Variants in CDH12 observed in about 807,000 individuals in gnomAD.
The protein encoded by CDH12 is cadherin-12.
A neutral mutation model predicts 74.1 loss-of-function variants in CDH12; 41 were observed. That is an observed-to-expected ratio of 0.55 (90% CI 0.43 to 0.72). CDH12 has a LOEUF of 0.72. Among genes scored for constraint, CDH12 ranks in the 30% least tolerant of loss-of-function variants. The pLI is 0.00. For synonymous variants in CDH12, 399 were observed against 355.0 expected, an observed-to-expected ratio of 1.12 and a Z score of -1.39; for missense variants, 945 against 977.2, an observed-to-expected ratio of 0.97 and a Z score of 0.44.
chr5:22,444,319 A>G (rs1744736701), intron 2 of CDH12, among the ~76,000 whole-genome samples: 1 of 152,088 alleles, frequency 6.6e-6, no homozygotes, highest in African/African-American at 2.4e-5. Flanking sequence ...GAGTTAAAAC[A>G]TTAATTCTCA....
intron 5 of CDH12, among the ~76,000 whole-genome samples, chr5:22,077,629 A>C (rs1011334883): frequency 1.3e-5 from 2 of 152,226 alleles, no homozygotes; most frequent in African/African-American, 4.8e-5. Context: ...TATAATACTT[A>C]TTTTTGGGGA....
chr5:22,616,524 C>A (rs1035690466), intron 1 of CDH12, among the ~76,000 whole-genome samples: 1 of 151,990 alleles, frequency 6.6e-6, no homozygotes, highest in Non-Finnish European at 1.5e-5. Flanking sequence ...TATATAGTTT[C>A]TACATTTATT....
intron 5 of CDH12, among the ~76,000 whole-genome samples, chr5:22,032,390 A>G (rs950592500): frequency 1.3e-5 from 2 of 152,036 alleles, no homozygotes; most frequent in African/African-American, 4.8e-5. Flanking sequence ...GCCTGTGTGG[A>G]GCTTGCATCT....
At chr5:22,069,422 G>C (rs1480292034) in intron 5 of CDH12, among the ~76,000 whole-genome samples, 3 of 152,080 alleles carry the variant, frequency 2.0e-5, no homozygotes, top group Non-Finnish European at 4.4e-5. Context: ...TCCACAGCCA[G>C]GAATAAATCT....
At chr5:22,592,608 T>C (rs577205045) in intron 1 of CDH12, among the ~76,000 whole-genome samples, 187 of 152,196 alleles carry the variant, frequency 1.2e-3, no homozygotes, top group African/African-American at 4.3e-3. Flanking sequence ...TGCCTTCCTT[T>C]AGTATCGCCA....
At chr5:22,414,774 A>G (rs1435024933) in intron 2 of CDH12, among the ~76,000 whole-genome samples, 6 of 151,936 alleles carry the variant, frequency 3.9e-5, no homozygotes, top group African/African-American at 7.2e-5. Context: ...ATAAAATGAA[A>G]TGCAGTTTTG....
At chr5:22,340,054 C>T (rs943777439) in intron 3 of CDH12, among the ~76,000 whole-genome samples, 4 of 152,228 alleles carry the variant, frequency 2.6e-5, no homozygotes, top group African/African-American at 9.6e-5. Context: ...TCATTAAATT[C>T]AATTTAATCT....
At chr5:21,916,481 A>G (rs1306330768) in intron 6 of CDH12, among the ~76,000 whole-genome samples, 1 of 149,846 alleles carries the variant, frequency 6.7e-6, no homozygotes, top group African/African-American at 2.4e-5. Context: ...AAAGTTTCCC[A>G]TTGTCAAAAC....
intron 4 of CDH12, among the ~76,000 whole-genome samples, chr5:22,138,139 A>T (rs1452697312): frequency 1.3e-5 from 2 of 152,042 alleles, no homozygotes; most frequent in Non-Finnish European, 2.9e-5. Flanking sequence ...TTTAAATTCA[A>T]GTTAATCTTC....
At chr5:22,495,480 T>A (rs148319082) in intron 2 of CDH12, among the ~76,000 whole-genome samples, 25 of 152,302 alleles carry the variant, frequency 1.6e-4, no homozygotes, top group Non-Finnish European at 2.8e-4. Flanking sequence ...TCCAAGGACC[T>A]TATGTCTGTC....
intron 5 of CDH12, among the ~76,000 whole-genome samples, chr5:22,020,226 G>C (rs1430241482): frequency 2.6e-5 from 4 of 152,106 alleles, no homozygotes; most frequent in African/African-American, 9.7e-5. Flanking sequence ...GCTTAAAGAA[G>C]AGAAATGAGT....
intron 3 of CDH12, among the ~76,000 whole-genome samples, chr5:22,328,314 C>T (rs1739210409): frequency 1.3e-5 from 2 of 152,150 alleles, no homozygotes; most frequent in South Asian, 2.1e-4. Flanking sequence ...ATGATTTATG[C>T]TTTAAAATAT....
At chr5:22,700,719 G>A (rs979037463) in intron 1 of CDH12, among the ~76,000 whole-genome samples, 1 of 152,168 alleles carries the variant, frequency 6.6e-6, no homozygotes, top group Non-Finnish European at 1.5e-5. Flanking sequence ...GTAAGACACA[G>A]AGAAATGAAA....
chr5:22,314,779 A>G (rs13159366), intron 3 of CDH12, among the ~76,000 whole-genome samples: 1 of 152,058 alleles, frequency 6.6e-6, no homozygotes, highest in Non-Finnish European at 1.5e-5. Context: ...TACAAACCAA[A>G]AAAGGAATGA....
In CDH12 at chr5:22,598,222, T is replaced by C. The variant is rs149659460; in HGVS notation, c.-522-92858A>G. ...TAAAGATAACTTCAGCATTCTCCAG[T>C]AAATACAAAAATAAACATATTGATA... On this transcript the variant is annotated intron_variant, in intron 1 of 14. Transcript: ENST00000382254. Among the ~76,000 whole-genome samples the C allele has an allele frequency of 3.3e-5, 5 of 152,266 alleles. No homozygotes were observed. The East Asian group carries it at 9.7e-4, about 29-fold the overall frequency.
chr5:21,867,476 C>G (rs759448326), intron 6 of CDH12, among the ~76,000 whole-genome samples: 1 of 152,120 alleles, frequency 6.6e-6, no homozygotes, highest in Non-Finnish European at 1.5e-5. Context: ...GCGGGGCTGC[C>G]CAACACCATG....
intron 6 of CDH12, among the ~76,000 whole-genome samples, chr5:21,899,696 G>T (rs769808914): frequency 1.4e-5 from 2 of 146,778 alleles, no homozygotes; most frequent in Non-Finnish European, 3.0e-5. Flanking sequence ...AACCTATAAC[G>T]ATTGAGAAAG....
At chr5:22,395,654 C>T (rs987480690) in intron 3 of CDH12, among the ~76,000 whole-genome samples, 1 of 151,940 alleles carries the variant, frequency 6.6e-6, no homozygotes, top group African/African-American at 2.4e-5. Flanking sequence ...TATATCTAAG[C>T]AGAAATGTCA....
chr5:22,453,738 C>T (rs1745145843), intron 2 of CDH12, among the ~76,000 whole-genome samples: 2 of 152,046 alleles, frequency 1.3e-5, no homozygotes. Flanking sequence ...ATTTTGAGTG[C>T]TCTCACTGCA....
Sources: allele counts gnomAD v4.1 joint callset (sites outside exome capture counted in the v4.1 genomes callset), GRCh38; gene constraint gnomAD v4.1.1; transcripts MANE v1.5; gene names NCBI Gene and HGNC (gene_info 2026-07-23, HGNC 2026-07-21).